Variants in LOC400499 observed in about 807,000 individuals in gnomAD.
chr16:11,391,678 C>G, the LOC400499 span: 3 of 1,232,252 alleles, frequency 2.4e-6, no homozygotes, highest in Non-Finnish European at 2.0e-6. Flanking sequence ...TCCAGCTCCT[C>G]CCGCAGCTGC....
the LOC400499 span, among the ~76,000 whole-genome samples, chr16:11,415,159 G>A: frequency 5.9e-5 from 9 of 152,298 alleles, 1 homozygote; most frequent in Middle Eastern, 6.8e-3. Flanking sequence ...GGCCCTGGCT[G>A]GAGGGTCCCG....
At chr16:11,399,225 C>T in the LOC400499 span, 2 of 985,424 alleles carry the variant, frequency 2.0e-6, no homozygotes, top group Non-Finnish European at 2.4e-6. Flanking sequence ...ACCTTCTTCC[C>T]CATCTGTTCC....
At chr16:11,475,945 G>A in the LOC400499 span, among the ~76,000 whole-genome samples, 1 of 151,906 alleles carries the variant, frequency 6.6e-6, no homozygotes, top group African/African-American at 2.4e-5. Flanking sequence ...GGACAGCATG[G>A]CACAGGGCTG....
At chr16:11,477,510 G>C in the LOC400499 span, among the ~76,000 whole-genome samples, 14 of 152,236 alleles carry the variant, frequency 9.2e-5, no homozygotes, top group East Asian at 1.9e-4. Flanking sequence ...CGTCACACGA[G>C]TTCAGTGAGC....
the LOC400499 span, among the ~76,000 whole-genome samples, chr16:11,407,991 T>G: frequency 2.1e-5 from 3 of 144,876 alleles, no homozygotes; most frequent in East Asian, 6.1e-4. Flanking sequence ...TTTTTTTTTT[T>G]TTTTTTGAGA....
the LOC400499 span, chr16:11,493,837 TG>T: frequency 1.3e-3 from 227 of 180,370 alleles, 6 homozygotes; most frequent in East Asian, 0.017. Context: ...GGCAGTGGCG[TG>T]GGGGGCGGGG....
chr16:11,508,844 T>C, the LOC400499 span: 5 of 399,044 alleles, frequency 1.3e-5, no homozygotes, highest in Admixed American at 1.3e-4. Context: ...TCATCGTCTC[T>C]ATCATCTGGA....
At chr16:11,497,422 T>C in the LOC400499 span, among the ~76,000 whole-genome samples, 1 of 152,156 alleles carries the variant, frequency 6.6e-6, no homozygotes, top group African/African-American at 2.4e-5. Flanking sequence ...GCAGGGGTTA[T>C]AAAAAGACTA....
the LOC400499 span, among the ~76,000 whole-genome samples, chr16:11,502,565 T>A: frequency 6.6e-6 from 1 of 152,236 alleles, no homozygotes; most frequent in East Asian, 1.9e-4. Flanking sequence ...AGTCTTAGCA[T>A]ATTTCAAATA....
At chr16:11,384,090 C>T in the LOC400499 span, 1 of 1,229,728 alleles carries the variant, frequency 8.1e-7, no homozygotes, top group South Asian at 4.1e-5. Flanking sequence ...AGGAGACTTC[C>T]CCCAAACCCT....
the LOC400499 span, among the ~76,000 whole-genome samples, chr16:11,451,004 C>T: frequency 6.6e-6 from 1 of 152,202 alleles, no homozygotes; most frequent in African/African-American, 2.4e-5. Context: ...GTGTTTGGAT[C>T]ACCCAGATGT....
At chr16:11,427,921 A>G in the LOC400499 span, among the ~76,000 whole-genome samples, 2 of 152,196 alleles carry the variant, frequency 1.3e-5, no homozygotes, top group East Asian at 3.8e-4. Context: ...AAAGCGTCAA[A>G]AACAGCATAG....
the LOC400499 span, among the ~76,000 whole-genome samples, chr16:11,383,149 TCTGCCTCCTGGGTTCACGCCATTCTC>T: frequency 6.6e-6 from 1 of 151,724 alleles, no homozygotes; most frequent in South Asian, 2.1e-4. Context: ...CACTGCAAGC[TCTGCCTCCTGGGTTCACGCCATTCTC>T]CTGCCTCAGC....
the LOC400499 span, among the ~76,000 whole-genome samples, chr16:11,443,659 C>T: frequency 6.6e-6 from 1 of 151,974 alleles, no homozygotes; most frequent in South Asian, 2.1e-4. Flanking sequence ...ACATTGTAAT[C>T]GTCACAGCCA....
the LOC400499 span, among the ~76,000 whole-genome samples, chr16:11,494,269 G>A: frequency 2.0e-5 from 3 of 150,856 alleles, no homozygotes; most frequent in Admixed American, 6.6e-5. Context: ...TCCAGACCCC[G>A]CGGGCCAGCC....
At chr16:11,374,682 T>C in the LOC400499 span, among the ~76,000 whole-genome samples, 1 of 149,936 alleles carries the variant, frequency 6.7e-6, no homozygotes, top group Non-Finnish European at 1.5e-5. Flanking sequence ...TAAGGCTGAA[T>C]CATGATTGAT....
At chr16:11,381,390 C>T in the LOC400499 span, among the ~76,000 whole-genome samples, 2 of 152,044 alleles carry the variant, frequency 1.3e-5, no homozygotes, top group African/African-American at 4.8e-5. Flanking sequence ...TGTGAGCCAC[C>T]ACACCTGCCC....
the LOC400499 span, chr16:11,460,516 G>C: frequency 6.5e-7 from 1 of 1,534,176 alleles, no homozygotes; most frequent in Non-Finnish European, 8.7e-7. Flanking sequence ...AGTGGAGCTC[G>C]TGGCGCAGCT....
chr16:11,405,828 A>T, the LOC400499 span, among the ~76,000 whole-genome samples: 1 of 152,172 alleles, frequency 6.6e-6, no homozygotes, highest in South Asian at 2.1e-4. Context: ...AAAGGCTTCT[A>T]GTAGCAGATA....
Sources: allele counts gnomAD v4.1 joint callset (sites outside exome capture counted in the v4.1 genomes callset), GRCh38; gene constraint gnomAD v4.1.1; transcripts MANE v1.5.